The following CSMD1 variants were observed in gnomAD, a reference collection of about 807,000 sequenced individuals.
CSMD1 encodes the protein CUB and sushi domain-containing protein 1.
Under a neutral mutation model 417.5 loss-of-function variants are expected in CSMD1, and 213 were observed. The observed-to-expected ratio is 0.51, with a 90% confidence interval of 0.46 to 0.57. The LOEUF (loss-of-function observed/expected upper bound fraction) is 0.57, where lower values mean the gene tolerates loss of function less well. CSMD1 is among the 20% of genes least tolerant of loss of function. The pLI, the probability that CSMD1 is intolerant of heterozygous loss-of-function variation, is 0.00. For missense variants in CSMD1, 6,923 were observed against 4,529.7 expected (o/e 1.53, Z -15.17); for synonymous variants, 2,862 against 1,736.8 (o/e 1.65, Z -16.11).
intron 26 of CSMD1, among the ~76,000 whole-genome samples, chr8:3,234,392 A>G (rs2116929270): frequency 6.6e-6 from 1 of 152,200 alleles, no homozygotes; most frequent in Non-Finnish European, 1.5e-5. Context: ...ACTGGCCATG[A>G]TTTCTGAGAC....
chr8:3,805,284 A>C (rs1021136185), intron 5 of CSMD1, among the ~76,000 whole-genome samples: 1 of 152,186 alleles, frequency 6.6e-6, no homozygotes, highest in Non-Finnish European at 1.5e-5. Flanking sequence ...ATCGCAGAGG[A>C]AGGAGCCACA....
chr8:4,743,234 A>C (rs963232990), intron 1 of CSMD1, among the ~76,000 whole-genome samples: 1 of 152,162 alleles, frequency 6.6e-6, no homozygotes, highest in Non-Finnish European at 1.5e-5. Flanking sequence ...TTTTAGACAT[A>C]ATCTATTTTA....
chr8:3,281,733 G>A (rs1802753948), intron 26 of CSMD1, among the ~76,000 whole-genome samples: 1 of 152,168 alleles, frequency 6.6e-6, no homozygotes, highest in South Asian at 2.1e-4. Flanking sequence ...AATGACTGTT[G>A]GTGATGTTAT....
In CSMD1 at chr8:3,571,182, C is replaced by A. The variant is rs1799928045; in HGVS notation, c.1344+3763G>T. ...TATGAGAGAAAACCAACGCCATCAACAAGGCTTTCTTGGACTATATTCTGC... is the reference window on the plus strand; with the variant it reads ...TATGAGAGAAAACCAACGCCATCAAAAAGGCTTTCTTGGACTATATTCTGC... On this transcript the variant is annotated intron_variant, in intron 10 of 69. Coordinates refer to ENST00000635120, the MANE Select transcript of CSMD1 (RefSeq NM_033225.6). Among the ~76,000 whole-genome samples the A allele has an allele frequency of 2.0e-5, 3 of 152,246 alleles. No individual in the cohort carries two copies. The South Asian group carries it at 6.2e-4, about 32-fold the overall frequency.
chr8:4,864,897 A>ACACAC (rs1554505482), intron 1 of CSMD1, among the ~76,000 whole-genome samples: 7 of 50,486 alleles, frequency 1.4e-4, no homozygotes, highest in Admixed American at 8.9e-4. Context: ...CACACACACA[A>ACACAC]ACACACACAC....
intron 3 of CSMD1, among the ~76,000 whole-genome samples, chr8:4,313,191 C>G (rs1798727165): frequency 6.6e-6 from 1 of 152,030 alleles, no homozygotes; most frequent in Admixed American, 6.6e-5. Context: ...ATTTTTTAAA[C>G]CTAGGGAATA....
chr8:3,713,229 T>C (rs1223092332), intron 6 of CSMD1, among the ~76,000 whole-genome samples: 3 of 152,220 alleles, frequency 2.0e-5, no homozygotes, highest in Admixed American at 6.5e-5. Flanking sequence ...TTTTCCTTTT[T>C]TCTCCTACAT....
At chr8:2,987,105 C>A (rs1805981692) in intron 54 of CSMD1, among the ~76,000 whole-genome samples, 1 of 151,888 alleles carries the variant, frequency 6.6e-6, no homozygotes, top group African/African-American at 2.4e-5. Flanking sequence ...TATTTCCAGG[C>A]TTTGGATGTA....
chr8:4,595,874 T>C (rs555586969), intron 2 of CSMD1, among the ~76,000 whole-genome samples: 3 of 152,324 alleles, frequency 2.0e-5, no homozygotes, highest in South Asian at 4.1e-4. Flanking sequence ...CATTCCTTCT[T>C]TGCATGGAAT....
At chr8:4,159,018 C>T (rs1296293833) in intron 3 of CSMD1, among the ~76,000 whole-genome samples, 5 of 152,134 alleles carry the variant, frequency 3.3e-5, no homozygotes, top group Non-Finnish European at 5.9e-5. Context: ...CAGATTCAAG[C>T]GATTCTCCTG....
At chr8:3,116,606 G>C (rs991509536) in intron 42 of CSMD1, among the ~76,000 whole-genome samples, 1 of 152,184 alleles carries the variant, frequency 6.6e-6, no homozygotes, top group Non-Finnish European at 1.5e-5. Flanking sequence ...ATTAGGAAAG[G>C]TGGCAGGCAT....
rs117239022 is a variant in CSMD1, at chr8:3,597,229, C to T, written c.1098-10969G>A. ...AGAGGACTCATGGTAAACATCGGGC[C>T]CCAGGGGTACACCCAGGCTGTCTAG... is the stretch of plus-strand genomic sequence containing the variant. On this transcript the variant is annotated intron_variant, in intron 8 of 69. Transcript: ENST00000635120. 2.5e-3 allele frequency among the ~76,000 whole-genome samples: 386 copies of T among 152,110 alleles called. 13 individuals carry two copies. The East Asian group carries it at 0.061, about 24-fold the overall frequency.
intron 5 of CSMD1, among the ~76,000 whole-genome samples, chr8:3,870,457 C>T (rs1805405804): frequency 6.6e-6 from 1 of 152,050 alleles, no homozygotes; most frequent in Non-Finnish European, 1.5e-5. Flanking sequence ...GTGGGTATTT[C>T]TCTCAAAGAA....
chr8:4,149,765 G>A (rs546793191), intron 3 of CSMD1, among the ~76,000 whole-genome samples: 4 of 152,182 alleles, frequency 2.6e-5, no homozygotes, highest in African/African-American at 9.6e-5. Context: ...AGGCCTTGCT[G>A]GATGTGTCGT....
intron 5 of CSMD1, among the ~76,000 whole-genome samples, chr8:3,944,570 C>A (rs1055772951): frequency 1.3e-5 from 2 of 152,030 alleles, no homozygotes; most frequent in African/African-American, 4.8e-5. Flanking sequence ...TTGTCTACAA[C>A]TTTAAAAATA....
At chr8:2,964,979 G>A (rs1276623664) in intron 59 of CSMD1, among the ~76,000 whole-genome samples, 1 of 152,192 alleles carries the variant, frequency 6.6e-6, no homozygotes, top group Non-Finnish European at 1.5e-5. Flanking sequence ...GTCTAATAAG[G>A]AGGAGAATGC....
At chr8:2,973,016 G>T (rs1804596281) in intron 57 of CSMD1, 101 bp downstream of exon 57, 1 of 1,146,966 alleles carries the variant, frequency 8.7e-7, no homozygotes, top group Non-Finnish European at 1.2e-6. Flanking sequence ...TGTATAAATA[G>T]TACAAACCTC....
chr8:4,287,883 G>A (rs148079604), intron 3 of CSMD1, among the ~76,000 whole-genome samples: 180 of 152,022 alleles, frequency 1.2e-3, no homozygotes, highest in African/African-American at 4.2e-3. Context: ...GCAGTCTCAG[G>A]ACATCCCAGG....
chr8:3,278,114 C>T (rs911073971), intron 26 of CSMD1, among the ~76,000 whole-genome samples: 21 of 151,928 alleles, frequency 1.4e-4, no homozygotes, highest in African/African-American at 5.1e-4. Context: ...AGCCAAAGAG[C>T]CAATGATAGA....
Sources: allele counts gnomAD v4.1 joint callset (sites outside exome capture counted in the v4.1 genomes callset), GRCh38; gene constraint gnomAD v4.1.1; transcripts MANE v1.5; gene names NCBI Gene and HGNC (gene_info 2026-07-23, HGNC 2026-07-21).